The following PSG1 variants were observed in gnomAD, a reference collection of about 807,000 sequenced individuals.
The protein encoded by PSG1 is pregnancy specific beta-1-glycoprotein 1, also known as pregnancy-specific beta-1-glycoprotein 1.
PSG1 carries 60 observed loss-of-function variants against 41.4 expected under a neutral mutation model. The ratio of observed to expected loss-of-function variants is 1.45; its 90% CI spans 1.18 to 1.80. PSG1 has a LOEUF of 1.80. Among genes scored for constraint, PSG1 ranks in the 40% most tolerant of loss-of-function variants. The pLI is 0.00. For synonymous variants in PSG1, 256 were observed against 192.9 expected, an observed-to-expected ratio of 1.33 and a Z score of -2.71; for missense variants, 806 against 516.9, an observed-to-expected ratio of 1.56 and a Z score of -5.42.
intron 2 of PSG1, among the ~76,000 whole-genome samples, chr19:42,874,496 G>A (rs561584518): frequency 1.4e-4 from 21 of 151,652 alleles, no homozygotes; most frequent in Non-Finnish European, 2.5e-4. Context: ...ACAGGGGCCC[G>A]CCACCATGCC....
At chr19:42,876,999 T>C (rs1272964757) in intron 2 of PSG1, among the ~76,000 whole-genome samples, 1 of 151,572 alleles carries the variant, frequency 6.6e-6, no homozygotes, top group African/African-American at 2.4e-5. Flanking sequence ...TGTGCCTCAG[T>C]TTTCTCTCAA....
At chr19:42,871,736 C>A (rs749733360) in intron 3 of PSG1, 31 bp downstream of exon 3, 2 of 1,612,598 alleles carry the variant, frequency 1.2e-6, no homozygotes, top group South Asian at 1.1e-5. Flanking sequence ...GGGATGGCAG[C>A]CTGGCTCACA....
intron 5 of PSG1, 41 bp from the exon 6 acceptor site, chr19:42,867,191 C>G: frequency 1.3e-6 from 1 of 765,358 alleles, no homozygotes; most frequent in East Asian, 2.4e-5. Flanking sequence ...ATGAACAGAG[C>G]TGCAGTCTCA....
chr19:42,869,651 T>G (rs892405794), intron 3 of PSG1: 5 of 157,062 alleles, frequency 3.2e-5, no homozygotes, highest in African/African-American at 9.7e-5. Context: ...TGTTTCATGA[T>G]GACTTACTTG....
chr19:42,869,215 C>A, intron 3 of PSG1, 181 bp from the exon 4 acceptor site: 1 of 1,361,356 alleles, frequency 7.3e-7, no homozygotes, highest in Non-Finnish European at 9.8e-7. Flanking sequence ...ACTGTGAGGC[C>A]GCCTTCTCTG....
At chr19:42,872,399 C>T (rs1971431711) in intron 2 of PSG1, among the ~76,000 whole-genome samples, 1 of 151,670 alleles carries the variant, frequency 6.6e-6, no homozygotes, top group Non-Finnish European at 1.5e-5. Context: ...GCATGCAGTG[C>T]TGGAATCTTG....
At chr19:42,867,375 G>A (rs1971175601) in intron 5 of PSG1, 1 of 583,506 alleles carries the variant, frequency 1.7e-6, no homozygotes, top group Non-Finnish European at 3.0e-6. Context: ...GGACCATGTA[G>A]GCTGTCTTCT....
At chr19:42,867,812 A>T (rs1419548794) in intron 5 of PSG1, 10 of 1,267,786 alleles carry the variant, frequency 7.9e-6, no homozygotes, top group Non-Finnish European at 1.1e-5. Context: ...GAATCAGCAA[A>T]TTTTCAAATA....
intron 1 of PSG1, 46 bp from the exon 2 acceptor site, chr19:42,878,324 G>C (rs892490557): frequency 1.9e-6 from 3 of 1,555,762 alleles, no homozygotes; most frequent in Non-Finnish European, 2.6e-6. Context: ...CCTATGTATT[G>C]GTGTGAAAAC....
At chr19:42,876,385 T>G (rs1358077023) in intron 2 of PSG1, among the ~76,000 whole-genome samples, 2 of 151,048 alleles carry the variant, frequency 1.3e-5, no homozygotes, top group African/African-American at 4.9e-5. Context: ...TGGGGTGGCT[T>G]TAGGGGCAAG....
In PSG1 at chr19:42,869,167, G is replaced by T. The variant is rs572696442; in HGVS notation, c.710-133C>A. 35 of 1,512,828 alleles carry T rather than the reference G, an allele frequency of 2.3e-5. 1 individual carries two copies. The South Asian group carries it at 3.0e-4, about 13-fold the overall frequency. 93.7% of individuals were successfully genotyped at this position (1,512,828 alleles called of 1,614,324 possible). On this transcript the variant is annotated intron_variant, in intron 3 of 5. Transcript: ENST00000436291. ...TTGAAAGCCAATAGCTGGTGCTTTT[G>T]TCACAAGATAGATGCATGATGATCT... is the stretch of plus-strand genomic sequence containing the variant.
intron 2 of PSG1, among the ~76,000 whole-genome samples, chr19:42,873,692 G>T (rs1971487619): frequency 1.3e-5 from 2 of 151,644 alleles, no homozygotes; most frequent in African/African-American, 4.8e-5. Flanking sequence ...TCCTTAAGTA[G>T]AGAGAGTCCC....
intron 2 of PSG1, chr19:42,874,182 T>C (rs1447286508): frequency 4.0e-5 from 6 of 151,652 alleles, no homozygotes; most frequent in Non-Finnish European, 8.8e-5. Context: ...AAACAAAATA[T>C]TAAATATGAA....
intron 4 of PSG1, 69 bp downstream of exon 4, chr19:42,868,687 G>A: frequency 6.3e-7 from 1 of 1,598,202 alleles, no homozygotes; most frequent in Non-Finnish European, 8.5e-7. Flanking sequence ...GAGAGACTGA[G>A]AGGCCTGGCA....
At chr19:42,872,090 A>T (rs757536880) in intron 2 of PSG1, 45 bp from the exon 3 acceptor site, 39 of 1,582,076 alleles carry the variant, frequency 2.5e-5, no homozygotes, top group East Asian at 4.5e-5. Context: ...GGCGCCTTTG[A>T]TTCCTCCAAA....
intron 2 of PSG1, among the ~76,000 whole-genome samples, chr19:42,877,574 C>G (rs1031796462): frequency 4.6e-5 from 7 of 151,710 alleles, no homozygotes; most frequent in Non-Finnish European, 8.8e-5. Flanking sequence ...GGGGGCCCCT[C>G]AGGCCAAGCC....
intron 2 of PSG1, among the ~76,000 whole-genome samples, chr19:42,875,643 A>G (rs142519461): frequency 9.2e-5 from 14 of 151,362 alleles, no homozygotes; most frequent in African/African-American, 3.4e-4. Flanking sequence ...AATCAGCAGT[A>G]CTAATTTTTT....
chr19:42,873,341 A>G (rs906412063), intron 2 of PSG1, among the ~76,000 whole-genome samples: 1 of 151,714 alleles, frequency 6.6e-6, no homozygotes, highest in Admixed American at 6.6e-5. Flanking sequence ...ACTTCTTTTT[A>G]GCATCACATC....
intron 1 of PSG1, 45 bp from the exon 2 acceptor site, chr19:42,878,323 T>C: frequency 6.4e-7 from 1 of 1,556,960 alleles, no homozygotes. Context: ...ACCTATGTAT[T>C]GGTGTGAAAA....
Sources: allele counts gnomAD v4.1 joint callset (sites outside exome capture counted in the v4.1 genomes callset), GRCh38; gene constraint gnomAD v4.1.1; transcripts MANE v1.5; gene names NCBI Gene and HGNC (gene_info 2026-07-23, HGNC 2026-07-21).